IL4: variants seen among roughly 807,000 people sequenced by gnomAD.
IL4 encodes the protein interleukin 4.
IL4 carries 10 observed loss-of-function variants against 17.4 expected under a neutral mutation model. The ratio of observed to expected loss-of-function variants is 0.57; its 90% CI spans 0.35 to 0.97. The LOEUF (loss-of-function observed/expected upper bound fraction) is 0.97, where lower values mean the gene tolerates loss of function less well. Ranked by LOEUF, IL4 falls within the 50% of genes least tolerant of loss-of-function variation. The probability of loss-of-function intolerance (pLI) is 0.01; values close to 1 mark genes in which losing one functional copy is unlikely to be tolerated. For synonymous variants in IL4, 87 were observed against 79.0 expected, an observed-to-expected ratio of 1.10 and a Z score of -0.54; for missense variants, 174 against 187.7, an observed-to-expected ratio of 0.93 and a Z score of 0.43.
rs890277656 is a variant in IL4 at position 132,680,108 on chromosome 5, T to G, written c.360+218T>G. On this transcript the variant is annotated intron_variant, in intron 3 of 3. Transcript: ENST00000231449. The surrounding 1 kb of genome is among the most constrained non-coding windows in gnomAD (Gnocchi z 4.3). ...CACGCAGGCCGAGTCCCTGTTCTCATGGAATGTTCTAATGGGAGAGTTAGA... is the reference window on the plus strand; with the variant it reads ...CACGCAGGCCGAGTCCCTGTTCTCAGGGAATGTTCTAATGGGAGAGTTAGA... 1.3e-5 allele frequency among the ~76,000 whole-genome samples: 2 copies of G among 152,192 alleles called. No homozygotes were observed. The highest frequency in any genetic ancestry group is 6.5e-5 in the Admixed American group (1 of 15,284).
At chr5:132,681,571 G>A (rs1044431126) in intron 3 of IL4, among the ~76,000 whole-genome samples, 1 of 152,208 alleles carries the variant, frequency 6.6e-6, no homozygotes, top group African/African-American at 2.4e-5. Context: ...CTGCAGGGTG[G>A]TTATGGAGTG....
chr5:132,677,750 G>A (rs1303287606), intron 2 of IL4: 3 of 152,044 alleles, frequency 2.0e-5, no homozygotes, highest in African/African-American at 4.8e-5. Flanking sequence ...TGACTTTTTG[G>A]TTTTCTTGAA....
Position 132,674,462 on chromosome 5 carries a change from C to G in IL4, c.139C>G (p.Leu47Val), listed in dbSNP as rs1387374423. 1 of 1,614,026 alleles carries G rather than the reference C, an allele frequency of 6.2e-7. No individual in the cohort carries two copies. The highest frequency in any genetic ancestry group is 8.5e-7 in the Non-Finnish European group (1 of 1,179,956). ...TCTCATTTCTGCCTGGACCAAGACT[C>G]TGTGCACCGAGTTGACCGTAACAGA... ...TLNSLTEQKT[L>V]CTELTVTDIF... Residue 47 changes from leucine (L) to valine (V), a missense_variant, in exon 2 of 4, where the codon CTG becomes GTG. Physicochemically the swap from Leu to Val is conservative, Grantham distance 32. Transcript: ENST00000231449.
rs1752462141 is a variant in IL4, at chr5:132,680,337, A to T, written c.360+447A>T. 6.6e-6 allele frequency among the ~76,000 whole-genome samples: 1 copy of T among 152,196 alleles called. No individual in the cohort carries two copies. The highest frequency in any genetic ancestry group is 1.5e-5 in the Non-Finnish European group (1 of 68,034). ...GAAGGAGGAGGTATGCAAAGGCCTT[A>T]GGATGGAAATGAACTAACTTCCTGT... On this transcript the variant is annotated intron_variant, in intron 3 of 3. Coordinates refer to ENST00000231449, the MANE Select transcript of IL4 (RefSeq NM_000589.4). This position sits in a 1 kb window ranked among gnomAD's most constrained non-coding sequence, Gnocchi z 4.3.
At chr5:132,674,362 C>A in intron 1 of IL4, 97 bp from the exon 2 acceptor site, 1 of 1,401,992 alleles carries the variant, frequency 7.1e-7, no homozygotes, top group Non-Finnish European at 1.0e-6. Context: ...TAGGAAGTTT[C>A]CTCAGTTGGA....
chr5:132,679,795 T>G lies in IL4; in HGVS notation c.265T>G (p.Cys89Gly). Residue 89 changes from cysteine (C) to glycine (G), a missense_variant, in exon 3 of 4, where the codon TGC becomes GGC. By Grantham distance (159) the Cys-to-Gly change is radical. Coordinates refer to ENST00000231449, the MANE Select transcript of IL4 (RefSeq NM_000589.4). ...CAGCCACCATGAGAAGGACACTCGC[T>G]GCCTGGGTGCGACTGCACAGCAGTT... ...FYSHHEKDTR[C>G]LGATAQQFHR... 1 of 1,614,054 alleles carries G rather than the reference T, an allele frequency of 6.2e-7. No homozygotes were observed. Among genetic ancestry groups the G allele is most frequent in the Non-Finnish European group, 8.5e-7 (1 of 1,179,964 alleles).
chr5:132,674,596 G>A (rs915980139), intron 2 of IL4, 90 bp downstream of exon 2: 48 of 1,041,068 alleles, frequency 4.6e-5, no homozygotes, highest in East Asian at 1.9e-4. Context: ...GAAAACGAGC[G>A]GGCCCAAATT....
At chr5:132,676,029 G>A (rs542787785) in intron 2 of IL4, among the ~76,000 whole-genome samples, 49 of 151,632 alleles carry the variant, frequency 3.2e-4, no homozygotes, top group African/African-American at 1.2e-3. Context: ...TGAGCACTGG[G>A]TCTCTGGAGG....
intron 2 of IL4, among the ~76,000 whole-genome samples, chr5:132,675,454 G>A (rs1389114703): frequency 7.0e-6 from 1 of 142,294 alleles, no homozygotes; most frequent in Non-Finnish European, 1.5e-5. Flanking sequence ...CCTGCTTCAT[G>A]AGGGAAACTG....
chr5:132,675,552 C>CTT (rs34015525), intron 2 of IL4, among the ~76,000 whole-genome samples: 7,022 of 145,094 alleles, frequency 0.048, 523 homozygotes, highest in African/African-American at 0.16. Flanking sequence ...CAAATACACA[C>CTT]TTTTTTTTTT....
chr5:132,679,009 C>G (rs1248532899), intron 2 of IL4, among the ~76,000 whole-genome samples: 1 of 152,234 alleles, frequency 6.6e-6, no homozygotes, highest in Non-Finnish European at 1.5e-5. Context: ...AGGCCCCTTA[C>G]AGAAGCTCTG....
At chr5:132,678,258 A>G (rs1752419968) in intron 2 of IL4, among the ~76,000 whole-genome samples, 2 of 152,384 alleles carry the variant, frequency 1.3e-5, no homozygotes, top group Middle Eastern at 6.8e-3. Context: ...GTTTCTACGC[A>G]GCTCTCAATC....
intron 2 of IL4, among the ~76,000 whole-genome samples, chr5:132,676,950 A>C (rs952648309): frequency 5.9e-5 from 9 of 152,218 alleles, no homozygotes; most frequent in Admixed American, 4.6e-4. Context: ...TATGAAGTCA[A>C]GGCTGTCTGA....
chr5:132,681,394 T>C lies in IL4; in HGVS notation c.361-1092T>C, dbSNP rs144132799. ...AAGAAAGGCCCCTGGGTTTGGCTGA[T>C]GGAGGCCATGGGTGAGGCTGATGTA... On this transcript the variant is annotated intron_variant, in intron 3 of 3. Transcript: ENST00000231449. Among the ~76,000 whole-genome samples the C allele has an allele frequency of 5.6e-3, 845 of 151,880 alleles. 4 individuals are homozygous for C. The highest frequency in any genetic ancestry group is 0.019 in the African/African-American group (782 of 41,506).
chr5:132,675,641 C>A (rs992313655), intron 2 of IL4, among the ~76,000 whole-genome samples: 1 of 151,964 alleles, frequency 6.6e-6, no homozygotes, highest in South Asian at 2.1e-4. Context: ...CTCCACCTCC[C>A]AGGCTCAAGC....
Position 132,679,794 on chromosome 5 carries a change from C to A in IL4, c.264C>A (p.Arg88=), listed in dbSNP as rs377297730. 6.2e-7 allele frequency: 1 copy of A among 1,614,076 alleles called. No individual in the cohort carries two copies. The highest frequency in any genetic ancestry group is 8.5e-7 in the Non-Finnish European group (1 of 1,179,976). ...QFYSHHEKDT[R]CLGATAQQFH... The stretch of plus-strand genomic sequence containing the variant: ...ACAGCCACCATGAGAAGGACACTCG[C>A]TGCCTGGGTGCGACTGCACAGCAGT... Residue 88 remains arginine (R), a synonymous_variant, in exon 3 of 4, where the codon CGC becomes CGA. Transcript: ENST00000231449.
chr5:132,680,615 A>G lies in IL4; in HGVS notation c.360+725A>G, dbSNP rs2243280. Among the ~76,000 whole-genome samples the G allele has an allele frequency of 2.6e-5, 4 of 152,074 alleles. No individual in the cohort carries two copies. The highest frequency in any genetic ancestry group is 2.6e-4 in the Admixed American group (4 of 15,256). Reference sequence around the variant, plus strand: ...AGATGGCCTGTTGGGAGGCTACCACAGTAAACCAGGCTAGAGATGATGGTG... The same window carrying G: ...AGATGGCCTGTTGGGAGGCTACCACGGTAAACCAGGCTAGAGATGATGGTG... On this transcript the variant is annotated intron_variant, in intron 3 of 3. Coordinates refer to ENST00000231449, the MANE Select transcript of IL4 (RefSeq NM_000589.4). The surrounding 1 kb of genome is among the most constrained non-coding windows in gnomAD (Gnocchi z 4.3).
At chr5:132,676,535 TCACA>T (rs1752386650) in intron 2 of IL4, among the ~76,000 whole-genome samples, 1 of 151,968 alleles carries the variant, frequency 6.6e-6, no homozygotes, top group African/African-American at 2.4e-5. Context: ...CACCTCCCTC[TCACA>T]CACACAAACA....
chr5:132,674,718 A>G (rs1752347230), intron 2 of IL4, among the ~76,000 whole-genome samples: 1 of 152,244 alleles, frequency 6.6e-6, no homozygotes, highest in Non-Finnish European at 1.5e-5. Flanking sequence ...TAGAAAGCTT[A>G]CATGCTGTAG....
Sources: gnomAD v4.1 joint callset for allele counts (sites outside exome capture counted in the v4.1 genomes callset) on GRCh38, gnomAD v4.1.1 for gene constraint, Gnocchi (gnomAD v3.1) non-coding constraint, MANE v1.5 for transcripts, NCBI Gene and HGNC (gene_info 2026-07-23, HGNC 2026-07-21) for gene names.